Variants in BCL6 observed in about 807,000 individuals in gnomAD.
BCL6 encodes the protein B-cell lymphoma 6 protein.
A neutral mutation model predicts 59.5 loss-of-function variants in BCL6; 7 were observed. The ratio of observed to expected loss-of-function variants is 0.12; its 90% CI spans 0.07 to 0.22. BCL6 has a LOEUF of 0.22. Ranked by LOEUF, BCL6 falls within the 10% of genes least tolerant of loss-of-function variation. The pLI is 1.00. For synonymous variants in BCL6, 339 were observed against 349.7 expected (o/e 0.97, Z 0.34); for missense variants, 685 against 939.4 (o/e 0.73, Z 3.54).
intron 1 of BCL6, among the ~76,000 whole-genome samples, chr3:187,739,612 A>C (rs759239061): frequency 9.9e-5 from 15 of 152,202 alleles, no homozygotes; most frequent in Admixed American, 6.5e-4. Context: ...TAGGAAATGC[A>C]ATAAAACAGA....
chr3:187,745,082 A>G (rs1380007489), intron 1 of BCL6, among the ~76,000 whole-genome samples: 3 of 152,174 alleles, frequency 2.0e-5, no homozygotes, highest in Admixed American at 6.5e-5. Context: ...GGAGGGTGGC[A>G]AAAGCCTCCC....
At chr3:187,744,840 A>G (rs931005508) in intron 1 of BCL6, among the ~76,000 whole-genome samples, 5 of 152,214 alleles carry the variant, frequency 3.3e-5, no homozygotes, top group South Asian at 4.1e-4. Flanking sequence ...AAGCGAGAAA[A>G]GAGGGAAAAA....
chr3:187,740,578 A>G (rs905363381), intron 1 of BCL6, among the ~76,000 whole-genome samples: 4 of 152,120 alleles, frequency 2.6e-5, no homozygotes, highest in African/African-American at 9.7e-5. Context: ...GCTGAGATAA[A>G]CCCGCCTTTG....
chr3:187,722,451 C>T lies in BCL6; in HGVS notation c.*7G>A. 6.2e-7 allele frequency: 1 copy of T among 1,611,050 alleles called. No homozygotes were observed. Among genetic ancestry groups the T allele is most frequent in the Admixed American group, 1.7e-5 (1 of 59,750 alleles). ...GGCTGGAGACGAAAGCATCAACACT[C>T]CATGCTTCAGCAGGCTTTGGGGAGC... On this transcript the variant is annotated 3_prime_UTR_variant, in exon 10 of 10. Transcript: ENST00000406870.
intron 9 of BCL6, 49 bp downstream of exon 9, chr3:187,724,892 C>A (rs1313545852): frequency 1.2e-6 from 2 of 1,610,674 alleles, no homozygotes; most frequent in African/African-American, 1.3e-5. Context: ...TCCTTCCCTG[C>A]CCTCCACATC....
At chr3:187,737,578 C>A (rs959120024) in intron 1 of BCL6, 2 of 152,528 alleles carry the variant, frequency 1.3e-5, no homozygotes, top group Non-Finnish European at 2.9e-5. Context: ...TTCGCTACCC[C>A]ACCCCGACCA....
At chr3:187,741,441 G>T (rs909109966) in intron 1 of BCL6, among the ~76,000 whole-genome samples, 1 of 152,150 alleles carries the variant, frequency 6.6e-6, no homozygotes, top group Non-Finnish European at 1.5e-5. Context: ...GAGGAAAGGG[G>T]CGCTGGGGGC....
chr3:187,731,917 T>C lies in BCL6; in HGVS notation c.175A>G (p.Ser59Gly), dbSNP rs752436963. The change falls in exon 4 of 10, where the codon AGC becomes GGC. Residue 59 changes from serine (S) to glycine (G), a missense_variant. By Grantham distance (56) the Ser-to-Gly change is moderately conservative (BLOSUM62 0). Transcript: ENST00000406870. ...CATTTCAACTGGTCTGTAAAGATGC[T>C]ATAGAACAGGCCACTGTAAAACAAA... ...VLMACSGLFYSIFTDQLKCNL... is the reference protein window; with the variant it reads ...VLMACSGLFYGIFTDQLKCNL... 13 of 1,613,832 alleles carry C rather than the reference T, an allele frequency of 8.1e-6. No homozygotes were observed. The South Asian group carries it at 1.4e-4, about 18-fold the overall frequency.
chr3:187,726,485 C>T (rs897229377), intron 7 of BCL6, among the ~76,000 whole-genome samples: 6 of 152,172 alleles, frequency 3.9e-5, no homozygotes, highest in Non-Finnish European at 7.3e-5. Flanking sequence ...ACACTTCTGA[C>T]CCCAGCAAAG....
chr3:187,744,078 A>T (rs2108482828), intron 1 of BCL6, among the ~76,000 whole-genome samples: 1 of 152,210 alleles, frequency 6.6e-6, no homozygotes, highest in Middle Eastern at 3.4e-3. Context: ...CCTGGCGTCC[A>T]CTACGCTCAG....
In BCL6 at chr3:187,721,656, C is replaced by CAA. The variant is rs1579798956; in HGVS notation, c.*800_*801dup. 14 of 232,870 alleles carry CAA rather than the reference C, an allele frequency of 6.0e-5. No individual in the cohort carries two copies. In the East Asian group the frequency reaches 8.5e-4, roughly 14 times the overall value. 14.4% of individuals were successfully genotyped at this position (232,870 alleles called of 1,614,324 possible). A position where few individuals can be genotyped will look rare whatever the true frequency, so the allele number is the denominator to read the frequency against. On this transcript the variant is annotated 3_prime_UTR_variant, in exon 10 of 10. Coordinates refer to ENST00000406870, the MANE Select transcript of BCL6 (RefSeq NM_001706.5). This position sits in a 1 kb window ranked among gnomAD's most constrained non-coding sequence, Gnocchi z 4.2. ...TGAGGACACGTTGTACGGGTATATA[C>CAA]AAACTGAAAACTAGAACAAAATTAC...
chr3:187,743,866 AACC>A (rs1711728487), intron 1 of BCL6, among the ~76,000 whole-genome samples: 1 of 152,012 alleles, frequency 6.6e-6, no homozygotes, highest in South Asian at 2.1e-4. Flanking sequence ...TTGCAAATCC[AACC>A]AACCTCGCAA....
intron 3 of BCL6, chr3:187,732,357 C>G: frequency 2.3e-6 from 1 of 431,230 alleles, no homozygotes; most frequent in South Asian, 1.7e-5. Flanking sequence ...TTTTAAAATT[C>G]TATCTCTTTT....
intron 1 of BCL6, among the ~76,000 whole-genome samples, chr3:187,744,429 A>G (rs1008384602): frequency 2.0e-5 from 3 of 152,068 alleles, no homozygotes; most frequent in South Asian, 4.2e-4. Context: ...AAGAAAGAAT[A>G]ATTTTCAAAG....
chr3:187,725,463 G>T lies in BCL6; in HGVS notation c.1839+36C>A. 1 of 1,233,400 alleles carries T rather than the reference G, an allele frequency of 8.1e-7. No homozygotes were observed. The highest frequency in any genetic ancestry group is 1.1e-6 in the Non-Finnish European group (1 of 902,944). 76.4% of individuals were successfully genotyped at this position (1,233,400 alleles called of 1,614,324 possible). A position where few individuals can be genotyped will look rare whatever the true frequency, so the allele number is the denominator to read the frequency against. ...CTCCGCTCGCCTGCCCGCTCCGCTC[G>T]CCTGCCCGCTCCGCTCGCCTGCCCA... On this transcript the variant is annotated intron_variant, in intron 8 of 9. Transcript: ENST00000406870. The surrounding 1 kb of genome is among the most constrained non-coding windows in gnomAD (Gnocchi z 4.7).
At chr3:187,745,192 A>G (rs1711880996) in intron 1 of BCL6, among the ~76,000 whole-genome samples, 2 of 152,320 alleles carry the variant, frequency 1.3e-5, no homozygotes, top group African/African-American at 2.4e-5. Flanking sequence ...TTCGGCATTT[A>G]TTTTAACACC....
intron 4 of BCL6, 79 bp from the exon 5 acceptor site, chr3:187,730,100 T>C: frequency 6.7e-7 from 1 of 1,490,698 alleles, no homozygotes; most frequent in East Asian, 2.3e-5. Flanking sequence ...GACACTTATA[T>C]AACCACATCT....
intron 9 of BCL6, among the ~76,000 whole-genome samples, chr3:187,722,845 C>T (rs1718492800): frequency 1.3e-5 from 2 of 152,172 alleles, no homozygotes; most frequent in Non-Finnish European, 2.9e-5. Context: ...GACGTCCTTC[C>T]CTGCCTTAAC....
intron 3 of BCL6, 42 bp downstream of exon 3, chr3:187,733,491 C>G (rs201951816): frequency 6.2e-7 from 1 of 1,601,800 alleles, no homozygotes; most frequent in East Asian, 2.2e-5. Flanking sequence ...AGCACCATCA[C>G]CCCACTTTGA....
Sources: allele counts gnomAD v4.1 joint callset (sites outside exome capture counted in the v4.1 genomes callset), GRCh38; gene constraint gnomAD v4.1.1; non-coding constraint Gnocchi (gnomAD v3.1); transcripts MANE v1.5; gene names NCBI Gene and HGNC (gene_info 2026-07-23, HGNC 2026-07-21).